The following GRID2 variants were observed in gnomAD, a reference collection of about 807,000 sequenced individuals.
GRID2 encodes glutamate receptor ionotropic, delta-2.
Under a neutral mutation model 114.8 loss-of-function variants are expected in GRID2, and 33 were observed. The observed-to-expected ratio is 0.29, with a 90% confidence interval of 0.22 to 0.38. The LOEUF (loss-of-function observed/expected upper bound fraction) is 0.38, where lower values mean the gene tolerates loss of function less well. Ranked by LOEUF, GRID2 falls within the 10% of genes least tolerant of loss-of-function variation. GRID2 has a pLI of 1.00. For missense variants in GRID2, 1,184 were observed against 1,257.7 expected, an observed-to-expected ratio of 0.94 and a Z score of 0.89; for synonymous variants, 505 against 449.9, an observed-to-expected ratio of 1.12 and a Z score of -1.55.
intron 14 of GRID2, among the ~76,000 whole-genome samples, chr4:93,703,049 T>G (rs1727647678): frequency 6.6e-6 from 1 of 152,156 alleles, no homozygotes; most frequent in Non-Finnish European, 1.5e-5. Flanking sequence ...TCACTCTTAC[T>G]TGATATTATC....
At chr4:92,314,425 G>A (rs764729411) in intron 1 of GRID2, among the ~76,000 whole-genome samples, 79 of 152,062 alleles carry the variant, frequency 5.2e-4, no homozygotes, top group Non-Finnish European at 8.8e-4. Flanking sequence ...TTTCCTCTGA[G>A]TGCATTCTGT....
At chr4:92,424,670 A>G (rs557269435) in intron 1 of GRID2, among the ~76,000 whole-genome samples, 4 of 151,926 alleles carry the variant, frequency 2.6e-5, no homozygotes, top group African/African-American at 9.6e-5. Flanking sequence ...AACATCAATA[A>G]GTGAGTCAAT....
intron 2 of GRID2, among the ~76,000 whole-genome samples, chr4:92,937,266 A>T (rs1750744622): frequency 6.8e-6 from 1 of 146,702 alleles, no homozygotes; most frequent in African/African-American, 2.4e-5. Context: ...TTATTACCAA[A>T]TCCAAGGTCA....
intron 8 of GRID2, among the ~76,000 whole-genome samples, chr4:93,311,410 A>G (rs1287272499): frequency 6.6e-6 from 1 of 152,112 alleles, no homozygotes; most frequent in Non-Finnish European, 1.5e-5. Flanking sequence ...TTAACTGTGC[A>G]CCAATTTCTT....
At chr4:93,425,561 C>T (rs908126236) in intron 10 of GRID2, among the ~76,000 whole-genome samples, 1 of 152,176 alleles carries the variant, frequency 6.6e-6, no homozygotes, top group African/African-American at 2.4e-5. Flanking sequence ...CACGTTTAGC[C>T]TTCTAGCCAT....
intron 2 of GRID2, among the ~76,000 whole-genome samples, chr4:93,054,335 T>G (rs1443905188): frequency 6.6e-6 from 1 of 151,276 alleles, no homozygotes; most frequent in African/African-American, 2.4e-5. Flanking sequence ...TTTGGTAGTA[T>G]TTTTATATTA....
At chr4:92,310,895 G>A (rs72660094) in intron 1 of GRID2, among the ~76,000 whole-genome samples, 141 of 151,964 alleles carry the variant, frequency 9.3e-4, no homozygotes, top group Non-Finnish European at 1.3e-3. Flanking sequence ...AAATACAAGG[G>A]GAAATAAGGA....
At chr4:92,933,494 T>C (rs146977915) in intron 2 of GRID2, among the ~76,000 whole-genome samples, 136 of 151,670 alleles carry the variant, frequency 9.0e-4, no homozygotes, top group African/African-American at 3.0e-3. Flanking sequence ...GCTAATAAGA[T>C]TTAAGACTTC....
chr4:92,871,831 A>G (rs556917951), intron 2 of GRID2, among the ~76,000 whole-genome samples: 38 of 152,302 alleles, frequency 2.5e-4, no homozygotes, highest in African/African-American at 8.4e-4. Context: ...AATGTTTTCT[A>G]TGGATAAAAT....
chr4:93,585,472 A>G (rs1172163512), intron 13 of GRID2, among the ~76,000 whole-genome samples: 1 of 152,072 alleles, frequency 6.6e-6, no homozygotes, highest in Non-Finnish European at 1.5e-5. Context: ...TTTTTTTCCC[A>G]CAAAGTGATG....
chr4:92,387,998 G>T lies in GRID2; in HGVS notation c.88+83254G>T, dbSNP rs145332849. ...ACAAATGCTCAATAATAGAATAACA[G>T]AAGACAACAAATCTTCCAACATTTT... On this transcript the variant is annotated intron_variant, in intron 1 of 15. Coordinates refer to ENST00000282020, the MANE Select transcript of GRID2 (RefSeq NM_001510.4). Among the ~76,000 whole-genome samples, 344 of 152,078 alleles carry T rather than the reference G, an allele frequency of 2.3e-3. 1 individual carries two copies. The highest frequency in any genetic ancestry group is 8.0e-3 in the African/African-American group (333 of 41,556).
At chr4:92,904,349 AAATAT>A (rs1161774537) in intron 2 of GRID2, among the ~76,000 whole-genome samples, 7 of 150,188 alleles carry the variant, frequency 4.7e-5, no homozygotes, top group Admixed American at 4.6e-4. Context: ...AAAATAAATA[AAATAT>A]ATTTATTTTC....
chr4:92,948,598 A>T (rs1560734514), intron 2 of GRID2, among the ~76,000 whole-genome samples: 1 of 151,980 alleles, frequency 6.6e-6, no homozygotes, highest in Non-Finnish European at 1.5e-5. Flanking sequence ...TTCTATGGAT[A>T]AGAAAAACTC....
In GRID2 at chr4:93,414,117, C is replaced by T. The variant is rs866181367; in HGVS notation, c.1348-8654C>T. 5.3e-5 allele frequency among the ~76,000 whole-genome samples: 8 copies of T among 152,248 alleles called. 1 individual carries two copies. The South Asian group carries it at 1.2e-3, about 24-fold the overall frequency. ...TCACTAAGTTCTTATAACCCCACATCCAATATATCAACAAATTTCATCAGC... is the reference window on the plus strand; with the variant it reads ...TCACTAAGTTCTTATAACCCCACATTCAATATATCAACAAATTTCATCAGC... On this transcript the variant is annotated intron_variant, in intron 9 of 15. Transcript: ENST00000282020.
intron 2 of GRID2, among the ~76,000 whole-genome samples, chr4:92,824,232 CA>C (rs1463563726): frequency 6.6e-6 from 1 of 152,104 alleles, no homozygotes; most frequent in Non-Finnish European, 1.5e-5. Context: ...CATAAAATAT[CA>C]TTAGGTTCTT....
chr4:93,113,891 C>T (rs189815089), intron 4 of GRID2, among the ~76,000 whole-genome samples: 3 of 152,138 alleles, frequency 2.0e-5, no homozygotes, highest in African/African-American at 7.2e-5. Flanking sequence ...AATAAAACCA[C>T]GGAGGCGGGG....
chr4:92,713,311 G>A (rs567486927), intron 2 of GRID2, among the ~76,000 whole-genome samples: 9 of 150,782 alleles, frequency 6.0e-5, no homozygotes, highest in South Asian at 4.2e-4. Flanking sequence ...CTAACTTACC[G>A]GAATATAGTA....
chr4:93,395,739 C>G (rs2149330317), intron 9 of GRID2, 31 bp downstream of exon 9: 1 of 921,166 alleles, frequency 1.1e-6, no homozygotes, highest in Admixed American at 1.8e-5. Context: ...GTGGTTTTGA[C>G]TTTTGGAGGT....
intron 8 of GRID2, among the ~76,000 whole-genome samples, chr4:93,309,801 A>T (rs914743840): frequency 6.6e-6 from 1 of 152,184 alleles, no homozygotes; most frequent in Non-Finnish European, 1.5e-5. Context: ...CATAAAATTC[A>T]ACAATGGCAA....
Sources: allele counts gnomAD v4.1 joint callset (sites outside exome capture counted in the v4.1 genomes callset), GRCh38; gene constraint gnomAD v4.1.1; transcripts MANE v1.5; gene names NCBI Gene and HGNC (gene_info 2026-07-23, HGNC 2026-07-21).